ARRDC5: variants seen among roughly 807,000 people sequenced by gnomAD.
The protein encoded by ARRDC5 is arrestin domain-containing protein 5.
Under a neutral mutation model 13.3 loss-of-function variants are expected in ARRDC5, and 12 were observed. The observed-to-expected ratio is 0.90, with a 90% CI of 0.58 to 1.46. The LOEUF (loss-of-function observed/expected upper bound fraction) is 1.46. Ranked by LOEUF, ARRDC5 falls within the 40% of genes most tolerant of loss-of-function variation. The pLI, the probability that ARRDC5 is intolerant of heterozygous loss-of-function variation, is 0.00. For missense variants in ARRDC5, 406 were observed against 418.7 expected (o/e 0.97, Z 0.26); for synonymous variants, 181 against 173.4 (o/e 1.04, Z -0.34).
At chr19:4,914,495 G>A in the ARRDC5 span, among the ~76,000 whole-genome samples, 19 of 152,176 alleles carry the variant, frequency 1.2e-4, no homozygotes, top group Middle Eastern at 3.4e-3. Context: ...GGTCTGTCTC[G>A]GAATATGGAG....
intron 2 of ARRDC5, among the ~76,000 whole-genome samples, chr19:4,896,344 ATATATTTTT>A (rs2031718379): frequency 1.4e-5 from 1 of 72,586 alleles, no homozygotes; most frequent in Non-Finnish European, 2.4e-5. Flanking sequence ...ATATATATAT[ATATATTTTT>A]TTTTTTTTAC....
chr19:4,900,689 C>T (rs1296653514), intron 1 of ARRDC5, among the ~76,000 whole-genome samples: 2 of 152,142 alleles, frequency 1.3e-5, no homozygotes, highest in Admixed American at 1.3e-4. Flanking sequence ...TTGCAGAGTA[C>T]TCCTCTGGTG....
chr19:4,908,353 TA>T, the ARRDC5 span, among the ~76,000 whole-genome samples: 11 of 152,240 alleles, frequency 7.2e-5, no homozygotes, highest in Non-Finnish European at 1.5e-4. Flanking sequence ...GAAGAAACTG[TA>T]AAAAGCTAAG....
upstream of ARRDC5, among the ~76,000 whole-genome samples, chr19:4,905,213 T>C (rs879831380): frequency 8.1e-5 from 12 of 148,194 alleles, no homozygotes; most frequent in Non-Finnish European, 1.3e-4. Context: ...GCCTCCCAGG[T>C]TCACGCCATT....
upstream of ARRDC5, among the ~76,000 whole-genome samples, chr19:4,907,391 C>T (rs1382824815): frequency 6.6e-6 from 1 of 152,132 alleles, no homozygotes; most frequent in African/African-American, 2.4e-5. Context: ...GCCTCAGCTT[C>T]CCGAGTAGCT....
chr19:4,900,480 A>C (rs759470985), intron 1 of ARRDC5, among the ~76,000 whole-genome samples: 2 of 152,194 alleles, frequency 1.3e-5, no homozygotes, highest in Non-Finnish European at 2.9e-5. Context: ...TTTATGTGCC[A>C]TTAAATCATT....
chr19:4,897,937 A>C (rs936792768), intron 1 of ARRDC5, among the ~76,000 whole-genome samples: 2 of 152,166 alleles, frequency 1.3e-5, no homozygotes, highest in African/African-American at 4.8e-5. Flanking sequence ...AAATACAAAA[A>C]TTAGCCGGGT....
the ARRDC5 span, chr19:4,909,172 G>T: frequency 1.1e-5 from 4 of 376,068 alleles, no homozygotes; most frequent in East Asian, 5.1e-5. Flanking sequence ...GCGTGCGAGT[G>T]GGGGGCTGCG....
chr19:4,895,316 G>A (rs1021192974), intron 2 of ARRDC5, among the ~76,000 whole-genome samples: 3 of 150,942 alleles, frequency 2.0e-5, no homozygotes, highest in Non-Finnish European at 4.4e-5. Flanking sequence ...CCAGCTACTC[G>A]GGAGGATGAG....
chr19:4,903,190 C>A (rs1599224877), upstream of ARRDC5: 1 of 243,822 alleles, frequency 4.1e-6, no homozygotes, highest in East Asian at 8.8e-5. Flanking sequence ...GCATGCCCAG[C>A]TAATTTTTTG....
chr19:4,914,151 G>A, the ARRDC5 span, among the ~76,000 whole-genome samples: 34 of 152,128 alleles, frequency 2.2e-4, no homozygotes, highest in African/African-American at 7.9e-4. Context: ...TTAAGAGATC[G>A]TGTCGTTGCT....
chr19:4,891,594 A>G lies in ARRDC5; in HGVS notation c.460-21T>C, dbSNP rs767756151. 3.8e-6 allele frequency: 6 copies of G among 1,594,568 alleles called. No homozygotes were observed. The East Asian group carries it at 8.9e-5, about 24-fold the overall frequency. On this transcript the variant is annotated intron_variant, in intron 2 of 2. Transcript: ENST00000650722. Reference sequence around the variant, plus strand: ...GGGTTCTAGGAGGATGTGGGGGAACAGACAACCGTGAGGGACCAGGACCAC... The same window carrying G: ...GGGTTCTAGGAGGATGTGGGGGAACGGACAACCGTGAGGGACCAGGACCAC...
chr19:4,907,495 C>T (rs2032088465), upstream of ARRDC5, among the ~76,000 whole-genome samples: 1 of 152,166 alleles, frequency 6.6e-6, no homozygotes, highest in Middle Eastern at 3.4e-3. Flanking sequence ...TCTGGCGACT[C>T]CTGACCTCCA....
intron 2 of ARRDC5, among the ~76,000 whole-genome samples, chr19:4,895,678 C>T (rs1407641582): frequency 1.3e-5 from 2 of 152,150 alleles, no homozygotes; most frequent in African/African-American, 2.4e-5. Flanking sequence ...GAGGCCACCA[C>T]CTCTATTGTC....
chr19:4,890,712 A>C lies in ARRDC5; in HGVS notation c.*334T>G. On this transcript the variant is annotated 3_prime_UTR_variant, in exon 3 of 3. Transcript: ENST00000650722. ...CCCTGCAGTTGTGACAGCCAATACAACCAGACATTAGCAGAGGGGAGAATT... is the reference window on the plus strand; with the variant it reads ...CCCTGCAGTTGTGACAGCCAATACACCCAGACATTAGCAGAGGGGAGAATT... The C allele has an allele frequency of 3.4e-6, 1 of 289,956 alleles. No homozygotes were observed. Among genetic ancestry groups the C allele is most frequent in the Non-Finnish European group, 6.5e-6 (1 of 152,690 alleles). 18.0% of individuals were successfully genotyped at this position (289,956 alleles called of 1,614,324 possible). A position where few individuals can be genotyped will look rare whatever the true frequency, so the allele number is the denominator to read the frequency against.
At chr19:4,911,751 G>A in the ARRDC5 span, among the ~76,000 whole-genome samples, 59 of 152,294 alleles carry the variant, frequency 3.9e-4, no homozygotes, top group Admixed American at 9.8e-4. Context: ...GTGCTACTTT[G>A]GTTGGTGTTT....
upstream of ARRDC5, among the ~76,000 whole-genome samples, chr19:4,904,185 G>GTT (rs534038745): frequency 5.6e-5 from 8 of 142,764 alleles, no homozygotes; most frequent in African/African-American, 2.1e-4. Flanking sequence ...TTTTGTTTTT[G>GTT]TTTTTTTTTT....
At chr19:4,903,029 C>CTTTT, upstream of ARRDC5, 1 of 448,154 alleles carries the variant, frequency 2.2e-6, no homozygotes, top group South Asian at 2.4e-5. Flanking sequence ...CTCACTGGTT[C>CTTTT]TTTTTTTTTT....
Position 4,891,282 on chromosome 19 carries a change from T to A in ARRDC5, c.751A>T (p.Thr251Ser). The A allele has an allele frequency of 6.2e-7, 1 of 1,613,834 alleles. No homozygotes were observed. The highest frequency in any genetic ancestry group is 8.5e-7 in the Non-Finnish European group (1 of 1,179,870). ...AGGTTGAAGGTGCTGACAACCTTGG[T>A]GGTGTTGAAGCGGGTCACGGGGGTG... ...ANTPVTRFNT[T>S]KVVSTFNLPL... is the part of the protein sequence containing the mutation. Residue 251 changes from threonine (T) to serine (S), a missense_variant, in exon 3 of 3, where the codon ACC (threonine) becomes TCC (serine). Coordinates refer to ENST00000650722, the MANE Select transcript of ARRDC5 (RefSeq NM_001080523.3).
Sources: gnomAD v4.1 joint callset for allele counts (sites outside exome capture counted in the v4.1 genomes callset) on GRCh38, gnomAD v4.1.1 for gene constraint, MANE v1.5 for transcripts, NCBI Gene and HGNC (gene_info 2026-07-23, HGNC 2026-07-21) for gene names.